AGBL1: variants seen among roughly 807,000 people sequenced by gnomAD.
The protein encoded by AGBL1 is AGBL carboxypeptidase 1, also known as cytosolic carboxypeptidase 4.
A neutral mutation model predicts 118.9 loss-of-function variants in AGBL1; 130 were observed. The observed-to-expected ratio is 1.09, with a 90% CI of 0.95 to 1.26. AGBL1 has a LOEUF of 1.26. AGBL1 is among the 50% of genes most tolerant of loss of function. The pLI, the probability that AGBL1 is intolerant of heterozygous loss-of-function variation, is 0.00. For missense variants in AGBL1, 1,584 were observed against 1,298.1 expected (o/e 1.22, Z -3.38); for synonymous variants, 555 against 478.9 (o/e 1.16, Z -2.08).
chr15:86,497,559 C>A (rs1596191281), intron 18 of AGBL1, among the ~76,000 whole-genome samples: 1 of 151,918 alleles, frequency 6.6e-6, no homozygotes, highest in African/African-American at 2.4e-5. Context: ...TGGGACCTCA[C>A]CCTTCCCTCA....
At chr15:86,464,289 T>C (rs1000143907) in intron 18 of AGBL1, among the ~76,000 whole-genome samples, 3 of 152,240 alleles carry the variant, frequency 2.0e-5, no homozygotes, top group Non-Finnish European at 1.5e-5. Flanking sequence ...ACATTAATTT[T>C]GTATCCTGAG....
intron 1 of AGBL1, among the ~76,000 whole-genome samples, chr15:86,141,778 G>C (rs539530306): frequency 1.3e-5 from 2 of 152,322 alleles, no homozygotes; most frequent in African/African-American, 4.8e-5. Flanking sequence ...TCATCTTGCT[G>C]ATGTTACTAC....
chr15:86,763,797 T>G (rs1264990297), intron 22 of AGBL1, among the ~76,000 whole-genome samples: 1 of 152,078 alleles, frequency 6.6e-6, no homozygotes, highest in Non-Finnish European at 1.5e-5. Flanking sequence ...AGCTTTGGAA[T>G]TCTTTGATTC....
chr15:86,925,167 G>A (rs373827358), intron 23 of AGBL1, among the ~76,000 whole-genome samples: 75,934 of 122,836 alleles, frequency 0.62, 22,922 homozygotes, highest in South Asian at 0.7. Context: ...AGGAGGAGGA[G>A]GAAGAGGAAG....
At chr15:86,556,877 T>C (rs1405030425) in intron 21 of AGBL1, among the ~76,000 whole-genome samples, 1 of 152,216 alleles carries the variant, frequency 6.6e-6, no homozygotes, top group Non-Finnish European at 1.5e-5. Flanking sequence ...CTCTGGTTAA[T>C]GCAGCTTTAA....
At position 86,758,775 on chromosome 15, in the gene AGBL1, T is replaced by A. The variant is rs149673723; in HGVS notation, c.3158+84339T>A. Among the ~76,000 whole-genome samples, 556 of 151,756 alleles carry A rather than the reference T, an allele frequency of 3.7e-3. 2 individuals are homozygous for A. The highest frequency in any genetic ancestry group is 0.012 in the African/African-American group (515 of 41,408). On this transcript the variant is annotated intron_variant, in intron 22 of 22. Coordinates refer to ENST00000614907, the MANE Select transcript of AGBL1 (RefSeq NM_001386094.1). Reference sequence around the variant, plus strand: ...TTGCCTGAGCACAGGAGTTTGAGACTAGCCTGGGCAACATGAAAAAACCCT... The same window carrying A: ...TTGCCTGAGCACAGGAGTTTGAGACAAGCCTGGGCAACATGAAAAAACCCT...
chr15:86,992,127 G>C (rs919745941), intron 24 of AGBL1, among the ~76,000 whole-genome samples: 1 of 151,990 alleles, frequency 6.6e-6, no homozygotes, highest in Non-Finnish European at 1.5e-5. Context: ...AGGGGAAGTG[G>C]GGGAAGGCAT....
chr15:86,744,727 G>A (rs1185810671), intron 22 of AGBL1, among the ~76,000 whole-genome samples: 8 of 152,138 alleles, frequency 5.3e-5, no homozygotes, highest in Non-Finnish European at 8.8e-5. Flanking sequence ...TAATATGGGA[G>A]AAAATCACAC....
intron 6 of AGBL1, among the ~76,000 whole-genome samples, chr15:86,242,627 A>C (rs569131205): frequency 1.3e-5 from 2 of 152,334 alleles, no homozygotes; most frequent in East Asian, 1.9e-4. Context: ...ACTCATCTGC[A>C]TGTCTCATTT....
chr15:86,456,623 C>T (rs1385824303), intron 18 of AGBL1, among the ~76,000 whole-genome samples: 1 of 152,106 alleles, frequency 6.6e-6, no homozygotes, highest in Non-Finnish European at 1.5e-5. Context: ...GGGCAATAGT[C>T]CCCAAGGAGA....
intron 17 of AGBL1, among the ~76,000 whole-genome samples, chr15:86,363,103 A>G (rs746277528): frequency 1.3e-5 from 2 of 151,918 alleles, no homozygotes; most frequent in Non-Finnish European, 1.5e-5. Context: ...TAAGACTGCC[A>G]CTGGGACAAA....
At chr15:86,374,706 C>T (rs1398641101) in intron 17 of AGBL1, among the ~76,000 whole-genome samples, 1 of 152,218 alleles carries the variant, frequency 6.6e-6, no homozygotes, top group Non-Finnish European at 1.5e-5. Context: ...TCCTGATTTG[C>T]TCCATGGGTA....
intron 22 of AGBL1, among the ~76,000 whole-genome samples, chr15:86,850,629 T>A (rs535702260): frequency 6.6e-6 from 1 of 152,328 alleles, no homozygotes; most frequent in Admixed American, 6.5e-5. Context: ...ACACAGAGAA[T>A]CATTATTGAT....
chr15:86,492,323 C>A (rs1423436827), intron 18 of AGBL1, among the ~76,000 whole-genome samples: 3 of 152,026 alleles, frequency 2.0e-5, no homozygotes, highest in Non-Finnish European at 4.4e-5. Context: ...GCAAATGGAT[C>A]AGTATGGCTC....
At chr15:86,941,765 G>C (rs1187831768) in intron 23 of AGBL1, among the ~76,000 whole-genome samples, 3 of 152,196 alleles carry the variant, frequency 2.0e-5, no homozygotes, top group Non-Finnish European at 4.4e-5. Flanking sequence ...CAGCCATTGA[G>C]AGCTGCTGAC....
chr15:86,958,284 T>C (rs778926000), intron 23 of AGBL1, among the ~76,000 whole-genome samples: 2 of 151,876 alleles, frequency 1.3e-5, no homozygotes, highest in African/African-American at 4.8e-5. Context: ...AATGGAATAT[T>C]CAACAGTGTC....
intron 24 of AGBL1, among the ~76,000 whole-genome samples, chr15:86,990,016 G>T (rs534554656): frequency 6.6e-6 from 1 of 152,326 alleles, no homozygotes; most frequent in South Asian, 2.1e-4. Flanking sequence ...CTTCATTCCA[G>T]GGTCTTGGGG....
At chr15:86,287,711 A>G (rs769019974) in intron 16 of AGBL1, among the ~76,000 whole-genome samples, 5 of 152,168 alleles carry the variant, frequency 3.3e-5, no homozygotes, top group Non-Finnish European at 5.9e-5. Flanking sequence ...GCAAGGACCC[A>G]TGTGGTCATA....
intron 18 of AGBL1, among the ~76,000 whole-genome samples, chr15:86,483,636 A>T (rs1003620219): frequency 1.3e-5 from 2 of 152,042 alleles, no homozygotes; most frequent in Admixed American, 6.6e-5. Context: ...GCAGGGGGAA[A>T]AGTTGATGAT....
Sources: allele counts gnomAD v4.1 joint callset (sites outside exome capture counted in the v4.1 genomes callset), GRCh38; gene constraint gnomAD v4.1.1; transcripts MANE v1.5; gene names NCBI Gene and HGNC (gene_info 2026-07-23, HGNC 2026-07-21).